NXPE1: variants seen among roughly 807,000 people sequenced by gnomAD.
The protein encoded by NXPE1 is neurexophilin and PC-esterase domain family member 1, also known as NXPE family member 1.
In NXPE1, 31 loss-of-function variants were observed where a neutral mutation model predicts 33.3. That is an observed-to-expected ratio of 0.93 (90% confidence interval 0.70 to 1.26). The LOEUF is 1.26. NXPE1 is among the 50% of genes most tolerant of loss of function. NXPE1 has a pLI of 0.00. For synonymous variants in NXPE1, 229 were observed against 231.4 expected, an observed-to-expected ratio of 0.99 and a Z score of 0.09; for missense variants, 661 against 655.6, an observed-to-expected ratio of 1.01 and a Z score of -0.09.
At chr11:114,520,233 T>C (rs1277773862), downstream of NXPE1, among the ~76,000 whole-genome samples, 2 of 152,088 alleles carry the variant, frequency 1.3e-5, no homozygotes, top group African/African-American at 2.4e-5. Flanking sequence ...AACTGCAAGT[T>C]TGTACCCTTT....
chr11:114,536,620 A>G (rs1278069324), intron 5 of NXPE1, among the ~76,000 whole-genome samples: 3 of 152,222 alleles, frequency 2.0e-5, no homozygotes, highest in African/African-American at 2.4e-5. Flanking sequence ...ATCCCACAGA[A>G]ATACAAACTA....
intron 5 of NXPE1, among the ~76,000 whole-genome samples, chr11:114,546,486 G>T (rs969338433): frequency 1.4e-5 from 2 of 142,264 alleles, no homozygotes; most frequent in Admixed American, 7.1e-5. Flanking sequence ...TTTTTTTTTA[G>T]AGATGGGGTT....
chr11:114,551,603 C>A (rs556038934), intron 3 of NXPE1, among the ~76,000 whole-genome samples, 162 bp from the exon 4 acceptor site: 3 of 152,256 alleles, frequency 2.0e-5, no homozygotes, highest in African/African-American at 7.2e-5. Flanking sequence ...GGAATATGCT[C>A]GTATTACAAA....
exon 6 of NXPE1, chr11:114,530,261 G>A: frequency 1.2e-6 from 2 of 1,614,014 alleles, no homozygotes; most frequent in Non-Finnish European, 1.7e-6. Context: ...CACAGGGCAT[G>A]TGTTGAGGCT....
intron 1 of NXPE1, among the ~76,000 whole-genome samples, chr11:114,557,974 A>G (rs1351728151): frequency 6.6e-6 from 1 of 151,720 alleles, no homozygotes; most frequent in East Asian, 1.9e-4. Flanking sequence ...TTTTCCTTCT[A>G]TTTCCCTAAC....
rs184611588 is a variant in NXPE1 at position 114,523,520 on chromosome 11, A to G, written c.896-429T>C. ...AATAATCTTAATTTTTCCGTGTTCA[A>G]AAAATGGCTTAAAATATGTACATTA... On this transcript the variant is annotated intron_variant, in intron 7 of 8. Transcript: ENST00000534921. Among the ~76,000 whole-genome samples, 454 of 152,314 alleles carry G rather than the reference A, an allele frequency of 3.0e-3. 3 individuals carry two copies. The highest frequency in any genetic ancestry group is 0.011 in the African/African-American group (440 of 41,560).
At chr11:114,543,522 A>G (rs1948173167) in intron 5 of NXPE1, among the ~76,000 whole-genome samples, 1 of 148,106 alleles carries the variant, frequency 6.8e-6, no homozygotes, top group Non-Finnish European at 1.5e-5. Context: ...CCCTGTTTAA[A>G]AAAAAAAAAA....
chr11:114,524,850 G>A (rs1947320927), intron 7 of NXPE1, among the ~76,000 whole-genome samples: 1 of 152,112 alleles, frequency 6.6e-6, no homozygotes, highest in Non-Finnish European at 1.5e-5. Context: ...ATAAGCTTGA[G>A]CATTTTGAAC....
chr11:114,536,770 T>G (rs891351085), intron 5 of NXPE1, among the ~76,000 whole-genome samples: 1 of 152,162 alleles, frequency 6.6e-6, no homozygotes, highest in African/African-American at 2.4e-5. Flanking sequence ...TAACAGGCTC[T>G]GAAATTGAGG....
intron 5 of NXPE1, among the ~76,000 whole-genome samples, chr11:114,535,178 A>C (rs1338458578): frequency 6.6e-6 from 1 of 152,170 alleles, no homozygotes; most frequent in African/African-American, 2.4e-5. Context: ...ATCCAACCAA[A>C]CTAAGCTTCA....
intron 4 of NXPE1, 39 bp downstream of exon 4, chr11:114,551,344 T>C (rs1948475431): frequency 1.4e-6 from 2 of 1,406,456 alleles, no homozygotes; most frequent in African/African-American, 1.4e-5. Context: ...TCTTTCCCTC[T>C]GCTAACTAAC....
chr11:114,536,493 G>A (rs1947830186), intron 5 of NXPE1, among the ~76,000 whole-genome samples: 1 of 152,140 alleles, frequency 6.6e-6, no homozygotes, highest in African/African-American at 2.4e-5. Context: ...GAATCCAGGA[G>A]CTGGTTTTTT....
intron 5 of NXPE1, among the ~76,000 whole-genome samples, chr11:114,540,446 A>G (rs34225691): frequency 5.7e-3 from 869 of 152,328 alleles, no homozygotes; most frequent in Non-Finnish European, 1.0e-2. Context: ...TCATAACTAT[A>G]TATCTTCCTA....
intron 5 of NXPE1, among the ~76,000 whole-genome samples, chr11:114,542,382 A>G (rs940413880): frequency 2.0e-5 from 3 of 152,192 alleles, no homozygotes; most frequent in Non-Finnish European, 4.4e-5. Flanking sequence ...GGAATCTACT[A>G]AACAGCATGA....
Position 114,559,685 on chromosome 11 carries a change from C to G in NXPE1, c.-211+113G>C, listed in dbSNP as rs1278478641. On this transcript the variant is annotated intron_variant, in intron 1 of 8. Transcript: ENST00000534921. ...ATCTTTCTCTGACTTGAGAGAACCCCTCAGCAGACACAGTCTTTCTAATTT... is the reference window on the plus strand; with the variant it reads ...ATCTTTCTCTGACTTGAGAGAACCCGTCAGCAGACACAGTCTTTCTAATTT... 2.8e-4 allele frequency: 42 copies of G among 152,336 alleles called. No homozygotes were observed. In the East Asian group the frequency reaches 6.3e-3, roughly 23 times the overall value. 9.4% of individuals were successfully genotyped at this position (152,336 alleles called of 1,614,324 possible). A position where few individuals can be genotyped will look rare whatever the true frequency, so the allele number is the denominator to read the frequency against.
downstream of NXPE1, chr11:114,521,618 C>T: frequency 4.9e-6 from 1 of 202,518 alleles, no homozygotes; most frequent in Non-Finnish European, 1.0e-5. Context: ...TATCATTGCT[C>T]CTAGGCCTTT....
rs1184284726 is a variant in NXPE1, at chr11:114,552,954, C to T, written c.-210-74G>A. 11 of 615,706 alleles carry T rather than the reference C, an allele frequency of 1.8e-5. No individual in the cohort carries two copies. In the South Asian group the frequency reaches 5.8e-4, roughly 33 times the overall value. 38.1% of individuals were successfully genotyped at this position (615,706 alleles called of 1,614,324 possible). On this transcript the variant is annotated intron_variant, in intron 1 of 8. Transcript: ENST00000534921. ...GGATTAGAATACAGTAGTAGAAATA[C>T]CAAATTCTTGTTGATCTCTGAAGAA... is the stretch of plus-strand genomic sequence containing the variant.
At chr11:114,533,134 GGA>G (rs1947647159) in intron 5 of NXPE1, among the ~76,000 whole-genome samples, 1 of 152,048 alleles carries the variant, frequency 6.6e-6, no homozygotes, top group Non-Finnish European at 1.5e-5. Flanking sequence ...AATGATGGGG[GGA>G]GAAACAGACT....
chr11:114,519,957 T>C (rs1244372323), downstream of NXPE1, among the ~76,000 whole-genome samples: 2 of 96,656 alleles, frequency 2.1e-5, no homozygotes, highest in Non-Finnish European at 3.8e-5. Flanking sequence ...AGTGGTGCCA[T>C]CTCGGCGAGC....
Sources: allele counts gnomAD v4.1 joint callset (sites outside exome capture counted in the v4.1 genomes callset), GRCh38; gene constraint gnomAD v4.1.1; transcripts MANE v1.5; gene names NCBI Gene and HGNC (gene_info 2026-07-23, HGNC 2026-07-21).